ST6GALNAC5: variants seen among roughly 807,000 people sequenced by gnomAD.
The protein encoded by ST6GALNAC5 is alpha-N-acetylgalactosaminide alpha-2,6-sialyltransferase 5.
A neutral mutation model predicts 33.6 loss-of-function variants in ST6GALNAC5; 27 were observed. The observed-to-expected ratio is 0.80, with a 90% CI of 0.59 to 1.11. The LOEUF (loss-of-function observed/expected upper bound fraction) is 1.11, where lower values mean the gene tolerates loss of function less well. Ranked by LOEUF, ST6GALNAC5 falls within the 50% of genes least tolerant of loss-of-function variation. The pLI is 0.00. For synonymous variants in ST6GALNAC5, 194 were observed against 171.2 expected (o/e 1.13, Z -1.04); for missense variants, 428 against 454.0 (o/e 0.94, Z 0.52).
At chr1:76,970,568 A>T (rs1648706050) in intron 2 of ST6GALNAC5, among the ~76,000 whole-genome samples, 1 of 152,140 alleles carries the variant, frequency 6.6e-6, no homozygotes, top group Admixed American at 6.6e-5. Flanking sequence ...GAAAAGACCA[A>T]ATCTATGTGT....
intron 2 of ST6GALNAC5, among the ~76,000 whole-genome samples, chr1:76,923,013 T>C (rs1310784253): frequency 1.3e-5 from 2 of 151,174 alleles, no homozygotes; most frequent in African/African-American, 4.9e-5. Flanking sequence ...TCTTAAATAA[T>C]GTTGGTGCAA....
chr1:76,903,094 A>G (rs1646833700), intron 2 of ST6GALNAC5, among the ~76,000 whole-genome samples: 2 of 152,168 alleles, frequency 1.3e-5, no homozygotes, highest in African/African-American at 4.8e-5. Context: ...ATCAAGAAGT[A>G]AAAAAACAAC....
At chr1:77,047,469 T>G (rs949066620) in intron 3 of ST6GALNAC5, among the ~76,000 whole-genome samples, 6 of 152,224 alleles carry the variant, frequency 3.9e-5, no homozygotes, top group Non-Finnish European at 8.8e-5. Flanking sequence ...ACTTTCCTTT[T>G]GGGTGAATAT....
intron 2 of ST6GALNAC5, among the ~76,000 whole-genome samples, chr1:77,038,697 T>C (rs1366142608): frequency 3.9e-5 from 6 of 152,220 alleles, no homozygotes; most frequent in African/African-American, 1.2e-4. Flanking sequence ...ACAGGGAGAA[T>C]TCCTTCTGCT....
chr1:76,947,718 C>T (rs920659919), intron 2 of ST6GALNAC5, among the ~76,000 whole-genome samples: 5 of 152,096 alleles, frequency 3.3e-5, no homozygotes, highest in African/African-American at 1.2e-4. Flanking sequence ...TGTATTCTAG[C>T]CTCGGTGACA....
chr1:76,911,638 T>A (rs1287875614), intron 2 of ST6GALNAC5, among the ~76,000 whole-genome samples: 1 of 152,162 alleles, frequency 6.6e-6, no homozygotes, highest in Non-Finnish European at 1.5e-5. Flanking sequence ...ATTGGTCTAT[T>A]CAGAGATTCA....
intron 2 of ST6GALNAC5, among the ~76,000 whole-genome samples, chr1:76,911,967 C>T (rs1032719405): frequency 6.6e-6 from 1 of 152,110 alleles, no homozygotes; most frequent in Admixed American, 6.6e-5. Context: ...CTTCTGCTAG[C>T]TTTTGAATGT....
chr1:76,923,567 G>A (rs1459432493), intron 2 of ST6GALNAC5, among the ~76,000 whole-genome samples: 1 of 151,890 alleles, frequency 6.6e-6, no homozygotes, highest in African/African-American at 2.4e-5. Context: ...GCGGCAGGTA[G>A]CTGTAATCTC....
chr1:77,031,116 G>A (rs1019160521), intron 2 of ST6GALNAC5, among the ~76,000 whole-genome samples: 1 of 152,226 alleles, frequency 6.6e-6, no homozygotes, highest in Non-Finnish European at 1.5e-5. Context: ...CAAGATTAAA[G>A]CAGGTGGCAA....
In ST6GALNAC5 at chr1:76,992,573, C is replaced by T. The variant is rs148194657; in HGVS notation, c.262-51631C>T. Among the ~76,000 whole-genome samples, 3 of 152,318 alleles carry T rather than the reference C, an allele frequency of 2.0e-5. No homozygotes were observed. The East Asian group carries it at 5.8e-4, about 29-fold the overall frequency. On this transcript the variant is annotated intron_variant, in intron 2 of 4. Transcript: ENST00000477717. Reference sequence around the variant, plus strand: ...TCGATGGTGCAATCTCAGCTCACTGCAACCTCTGCCTCCCAGGCTCAAGCT... The same window carrying T: ...TCGATGGTGCAATCTCAGCTCACTGTAACCTCTGCCTCCCAGGCTCAAGCT...
chr1:77,019,080 A>C (rs892790847), intron 2 of ST6GALNAC5, among the ~76,000 whole-genome samples: 2 of 152,208 alleles, frequency 1.3e-5, no homozygotes, highest in Admixed American at 6.5e-5. Flanking sequence ...AAAAGATTCT[A>C]TCTTGCTTAA....
chr1:77,000,342 A>AT (rs2100408098), intron 2 of ST6GALNAC5, among the ~76,000 whole-genome samples: 2 of 126,450 alleles, frequency 1.6e-5, no homozygotes, highest in South Asian at 5.4e-4. Context: ...GGGGTTGTTT[A>AT]TTTTTTTCTT....
chr1:76,937,278 C>A (rs561586103), intron 2 of ST6GALNAC5, among the ~76,000 whole-genome samples: 6 of 151,852 alleles, frequency 4.0e-5, no homozygotes, highest in African/African-American at 1.2e-4. Context: ...CATCTTTTCT[C>A]AAAGATAAAA....
intron 2 of ST6GALNAC5, among the ~76,000 whole-genome samples, chr1:76,896,159 G>A (rs561415753): frequency 2.6e-5 from 4 of 152,318 alleles, no homozygotes; most frequent in Non-Finnish European, 5.9e-5. Context: ...CTGAGGAATT[G>A]TGTCTGACAG....
At chr1:77,008,287 A>T (rs182097817) in intron 2 of ST6GALNAC5, among the ~76,000 whole-genome samples, 83 of 152,288 alleles carry the variant, frequency 5.5e-4, no homozygotes, top group African/African-American at 2.0e-3. Flanking sequence ...GTGGGGGAGA[A>T]TTAGGAGACA....
chr1:77,047,309 T>C (rs528218197), intron 3 of ST6GALNAC5, among the ~76,000 whole-genome samples: 1 of 152,354 alleles, frequency 6.6e-6, no homozygotes, highest in Admixed American at 6.5e-5. Flanking sequence ...GAAATGGCCA[T>C]TCAGGACAAA....
intron 2 of ST6GALNAC5, among the ~76,000 whole-genome samples, chr1:77,013,085 A>C (rs1442398047): frequency 1.3e-5 from 2 of 152,176 alleles, no homozygotes; most frequent in African/African-American, 4.8e-5. Context: ...GTGTGTGCAC[A>C]AGAGGACAGA....
intron 2 of ST6GALNAC5, among the ~76,000 whole-genome samples, chr1:76,988,921 T>C (rs1000879634): frequency 1.3e-5 from 2 of 152,154 alleles, no homozygotes; most frequent in East Asian, 1.9e-4. Flanking sequence ...AAACTATTGT[T>C]TGTAGCCCTT....
intron 2 of ST6GALNAC5, among the ~76,000 whole-genome samples, chr1:77,032,474 T>C (rs994193730): frequency 6.6e-6 from 1 of 152,018 alleles, no homozygotes; most frequent in Middle Eastern, 3.4e-3. Flanking sequence ...ATACAGGAGG[T>C]TGGGTCAGCA....
Sources: allele counts gnomAD v4.1 joint callset (sites outside exome capture counted in the v4.1 genomes callset), GRCh38; gene constraint gnomAD v4.1.1; transcripts MANE v1.5; gene names NCBI Gene and HGNC (gene_info 2026-07-23, HGNC 2026-07-21).